Variants in FOXO1 observed in about 807,000 individuals in gnomAD.
FOXO1 encodes forkhead box O1.
In FOXO1, 6 loss-of-function variants were observed where a neutral mutation model predicts 44.1. The ratio of observed to expected loss-of-function variants is 0.14; its 90% confidence interval spans 0.07 to 0.27. The LOEUF is 0.27. FOXO1 is among the 10% of genes least tolerant of loss of function. The pLI is 1.00. For synonymous variants in FOXO1, 380 were observed against 362.7 expected (o/e 1.05, Z -0.54); for missense variants, 737 against 888.8 (o/e 0.83, Z 2.17).
intron 1 of FOXO1, chr13:40,562,604 T>C (rs1874079623): frequency 6.6e-6 from 1 of 152,228 alleles, no homozygotes. Flanking sequence ...CTTAGAATAG[T>C]GGTATCCTGC....
At chr13:40,641,059 C>T (rs1877334336) in intron 1 of FOXO1, among the ~76,000 whole-genome samples, 1 of 152,202 alleles carries the variant, frequency 6.6e-6, no homozygotes, top group African/African-American at 2.4e-5. Flanking sequence ...GCTAGGATTA[C>T]AGGCGTGAGC....
At chr13:40,617,889 G>T (rs1192292088) in intron 1 of FOXO1, among the ~76,000 whole-genome samples, 1 of 152,094 alleles carries the variant, frequency 6.6e-6, no homozygotes, top group Non-Finnish European at 1.5e-5. Flanking sequence ...CTGAAGACAA[G>T]GAAGGAAAAG....
chr13:40,568,885 G>A (rs1350713050), intron 1 of FOXO1, among the ~76,000 whole-genome samples: 1 of 150,552 alleles, frequency 6.6e-6, no homozygotes, highest in Non-Finnish European at 1.5e-5. Flanking sequence ...TTATGTTAGG[G>A]AAACAAAGTT....
At chr13:40,615,939 G>A (rs928338299) in intron 1 of FOXO1, among the ~76,000 whole-genome samples, 2 of 152,234 alleles carry the variant, frequency 1.3e-5, no homozygotes, top group African/African-American at 2.4e-5. Context: ...CAGAGGATCC[G>A]TCTGGCCTTG....
At position 40,556,875 on chromosome 13, in the gene FOXO1, G is replaced by A. The variant is rs566607004; in HGVS notation, c.*2174C>T. On this transcript the variant is annotated 3_prime_UTR_variant, in exon 3 of 3. Transcript: ENST00000379561. The stretch of plus-strand genomic sequence containing the variant: ...TGGCACGGGAGGAAAGTGACAGTAC[G>A]TAGTAATAGAAATTAGTACACAAGT... The A allele has an allele frequency of 1.3e-5, 2 of 152,274 alleles. No individual in the cohort carries two copies. Among genetic ancestry groups the A allele is most frequent in the East Asian group, 1.9e-4 (1 of 5,186 alleles). The allele number at this position is 152,274 out of a possible 1,614,324, so 9.4% of individuals were successfully genotyped here. A position where few individuals can be genotyped will look rare whatever the true frequency, so the allele number is the denominator to read the frequency against.
intron 1 of FOXO1, among the ~76,000 whole-genome samples, chr13:40,656,979 C>T (rs769324950): frequency 5.3e-5 from 8 of 151,988 alleles, no homozygotes; most frequent in Non-Finnish European, 1.0e-4. Flanking sequence ...TACAGGCACC[C>T]GCCACCACAC....
intron 1 of FOXO1, among the ~76,000 whole-genome samples, chr13:40,592,067 A>C (rs1156686747): frequency 6.6e-6 from 1 of 152,232 alleles, no homozygotes. Flanking sequence ...CCAGTAGATT[A>C]AATGAAATAA....
chr13:40,570,322 A>T (rs1490045590), intron 1 of FOXO1, among the ~76,000 whole-genome samples: 2 of 151,882 alleles, frequency 1.3e-5, no homozygotes, highest in Non-Finnish European at 2.9e-5. Context: ...AAAAAAAAAT[A>T]AAATAAAATA....
rs142761112 is a variant in FOXO1 at position 40,640,758 on chromosome 13, T to TTTGTTGTTGTTG, written c.630+24813_630+24824dup. Among the ~76,000 whole-genome samples, 60 of 140,528 alleles carry TTTGTTGTTGTTG rather than the reference T, an allele frequency of 4.3e-4. 1 individual carries two copies. Among genetic ancestry groups the TTTGTTGTTGTTG allele is most frequent in the Admixed American group, 1.2e-3 (17 of 13,910 alleles). The allele number at this position is 140,528 out of a possible 152,430, so 92.2% of individuals were successfully genotyped here. The stretch of plus-strand genomic sequence containing the variant: ...AAACAGGTCAGTGTTTGTTATTTCT[T>TTTGTTGTTGTTG]TTGTTGTTGTTGTTGTTGTTGTTGT... On this transcript the variant is annotated intron_variant, in intron 1 of 2. Transcript: ENST00000379561.
chr13:40,664,943 C>A (rs1878174116), intron 1 of FOXO1, among the ~76,000 whole-genome samples: 1 of 151,838 alleles, frequency 6.6e-6, no homozygotes, highest in African/African-American at 2.4e-5. Flanking sequence ...TCGGAGGCAC[C>A]ACCTCGGGCT....
intron 1 of FOXO1, among the ~76,000 whole-genome samples, chr13:40,565,293 C>A (rs1489719000): frequency 6.6e-6 from 1 of 152,098 alleles, no homozygotes; most frequent in East Asian, 1.9e-4. Flanking sequence ...AGCTTTTGAT[C>A]TACCTGGGGA....
At chr13:40,643,814 G>A (rs1877430331) in intron 1 of FOXO1, among the ~76,000 whole-genome samples, 1 of 152,056 alleles carries the variant, frequency 6.6e-6, no homozygotes, top group Non-Finnish European at 1.5e-5. Flanking sequence ...TGCTATTGCT[G>A]TATAATACAG....
At chr13:40,605,880 T>A (rs1003835449) in intron 1 of FOXO1, among the ~76,000 whole-genome samples, 1 of 152,026 alleles carries the variant, frequency 6.6e-6, no homozygotes, top group Admixed American at 6.6e-5. Flanking sequence ...AAGAGATACC[T>A]CTTATCAGCT....
chr13:40,600,099 C>A (rs1566071845), intron 1 of FOXO1, among the ~76,000 whole-genome samples: 1 of 152,150 alleles, frequency 6.6e-6, no homozygotes, highest in Non-Finnish European at 1.5e-5. Context: ...TGAAAACTAT[C>A]CTCACCTAAA....
chr13:40,643,347 G>GAAAAAAAAAAAAAAAAAAAAAA (rs71727126), intron 1 of FOXO1, among the ~76,000 whole-genome samples: 1 of 91,406 alleles, frequency 1.1e-5, no homozygotes. Flanking sequence ...GTCTCAAAAA[G>GAAAAAAAAAAAAAAAAAAAAAA]AAAAAAAAAA....
At chr13:40,649,302 T>C (rs1023926289) in intron 1 of FOXO1, among the ~76,000 whole-genome samples, 3 of 152,226 alleles carry the variant, frequency 2.0e-5, no homozygotes, top group Non-Finnish European at 2.9e-5. Context: ...TCTCATTTTA[T>C]CTCTCTGACT....
At chr13:40,565,235 G>A (rs1408168118) in intron 1 of FOXO1, among the ~76,000 whole-genome samples, 1 of 152,204 alleles carries the variant, frequency 6.6e-6, no homozygotes, top group Non-Finnish European at 1.5e-5. Flanking sequence ...TTTGTGGAAG[G>A]AGTAGCGAAA....
chr13:40,560,460 T>C lies in FOXO1; in HGVS notation c.1031A>G (p.His344Arg), dbSNP rs777115535. 4 of 1,614,080 alleles carry C rather than the reference T, an allele frequency of 2.5e-6. No homozygotes were observed. The highest frequency in any genetic ancestry group is 2.2e-5 in the South Asian group (2 of 91,088). The change falls in exon 2 of 3, where the codon CAT becomes CGT. Residue 344 changes from histidine (H) to arginine (R), a missense_variant. Coordinates refer to ENST00000379561, the MANE Select transcript of FOXO1 (RefSeq NM_002015.4). This position sits in a 1 kb window ranked among gnomAD's most constrained non-coding sequence, Gnocchi z 5.1. ...GGCAGATGGCGGGTACACCATAGAA[T>C]GCACATCCCCTTCTCCAAGATCATC... is the stretch of plus-strand genomic sequence containing the variant. ...EQDDLGEGDV[H>R]SMVYPPSAAK...
intron 1 of FOXO1, among the ~76,000 whole-genome samples, chr13:40,615,361 A>G (rs1181723961): frequency 6.6e-6 from 1 of 152,066 alleles, no homozygotes; most frequent in Non-Finnish European, 1.5e-5. Context: ...ACATGGTGAA[A>G]CCCCATCTCT....
Sources: gnomAD v4.1 joint callset for allele counts (sites outside exome capture counted in the v4.1 genomes callset) on GRCh38, gnomAD v4.1.1 for gene constraint, Gnocchi (gnomAD v3.1) non-coding constraint, MANE v1.5 for transcripts, NCBI Gene and HGNC (gene_info 2026-07-23, HGNC 2026-07-21) for gene names.